AFAP1L2: variants seen among roughly 807,000 people sequenced by gnomAD.
The protein encoded by AFAP1L2 is actin filament-associated protein 1-like 2.
AFAP1L2 carries 46 observed loss-of-function variants against 99.3 expected under a neutral mutation model. The observed-to-expected ratio is 0.46, with a 90% confidence interval of 0.37 to 0.59. AFAP1L2 has a LOEUF of 0.59. AFAP1L2 is among the 20% of genes least tolerant of loss of function. The pLI is 0.00. For synonymous variants in AFAP1L2, 397 were observed against 419.1 expected (o/e 0.95, Z 0.64); for missense variants, 959 against 1,034.9 (o/e 0.93, Z 1.01).
At chr10:114,284,899 C>T in the AFAP1L2 span, 4 of 1,607,130 alleles carry the variant, frequency 2.5e-6, no homozygotes, top group Admixed American at 1.7e-5. Context: ...AATGGAGGCA[C>T]ATGTGTTCCA....
intron 4 of AFAP1L2, among the ~76,000 whole-genome samples, chr10:114,325,069 T>C (rs1452861450): frequency 6.6e-6 from 1 of 152,142 alleles, no homozygotes; most frequent in Non-Finnish European, 1.5e-5. Flanking sequence ...CTACAGTCTG[T>C]TTATATAGAC....
chr10:114,310,941 A>G lies in AFAP1L2; in HGVS notation c.793-498T>C, dbSNP rs890726383. On this transcript the variant is annotated intron_variant, in intron 7 of 18. Coordinates refer to ENST00000304129, the MANE Select transcript of AFAP1L2 (RefSeq NM_001001936.3). Reference sequence around the variant, plus strand: ...TTCCAACCACCCTCTGGCTCTCCCGACTCGCCTGCCGCCACCCACCCGCCC... The same window carrying G: ...TTCCAACCACCCTCTGGCTCTCCCGGCTCGCCTGCCGCCACCCACCCGCCC... Among the ~76,000 whole-genome samples the G allele has an allele frequency of 2.6e-3, 371 of 140,134 alleles. 3 individuals are homozygous for G. Among genetic ancestry groups the G allele is most frequent in the African/African-American group, 9.4e-3 (358 of 38,076 alleles). The allele number at this position is 140,134 out of a possible 152,430, so 91.9% of individuals were successfully genotyped here.
intron 1 of AFAP1L2, among the ~76,000 whole-genome samples, chr10:114,398,420 G>A (rs1169481607): frequency 6.6e-6 from 1 of 152,236 alleles, no homozygotes; most frequent in African/African-American, 2.4e-5. Context: ...GCATTGAAAA[G>A]CACACAGTGG....
At chr10:114,310,295 T>C in intron 8 of AFAP1L2, 59 bp downstream of exon 8, 2 of 1,537,202 alleles carry the variant, frequency 1.3e-6, no homozygotes, top group South Asian at 2.4e-5. Flanking sequence ...TTTGCACTTT[T>C]AATTTTTACA....
intron 1 of AFAP1L2, among the ~76,000 whole-genome samples, chr10:114,348,650 C>G (rs1297972746): frequency 6.6e-6 from 1 of 152,238 alleles, no homozygotes; most frequent in Non-Finnish European, 1.5e-5. Context: ...ACGTGCTCTA[C>G]TTTAAGTTCA....
chr10:114,348,641 C>T (rs1311867344), intron 1 of AFAP1L2, among the ~76,000 whole-genome samples: 1 of 152,216 alleles, frequency 6.6e-6, no homozygotes, highest in African/African-American at 2.4e-5. Flanking sequence ...CTTTACAGGA[C>T]GTGCTCTACT....
At chr10:114,289,839 C>G (rs1033975623), downstream of AFAP1L2, 3 of 369,816 alleles carry the variant, frequency 8.1e-6, no homozygotes, top group South Asian at 8.8e-5. Flanking sequence ...GAGCCCAGAG[C>G]AAACAGGGCC....
chr10:114,294,526 TG>T (rs1186406388), downstream of AFAP1L2, among the ~76,000 whole-genome samples: 1 of 152,214 alleles, frequency 6.6e-6, no homozygotes, highest in Non-Finnish European at 1.5e-5. Flanking sequence ...TTCCCAGTAT[TG>T]GTATGTTTCT....
At chr10:114,325,838 TAAC>T (rs1476821950) in intron 4 of AFAP1L2, 6 of 1,253,586 alleles carry the variant, frequency 4.8e-6, no homozygotes, top group South Asian at 1.3e-5. Context: ...TGTGGTCCAC[TAAC>T]AACAGGCTCC....
At chr10:114,401,382 C>A (rs1471846020) in intron 1 of AFAP1L2, among the ~76,000 whole-genome samples, 2 of 152,170 alleles carry the variant, frequency 1.3e-5, no homozygotes, top group African/African-American at 4.8e-5. Context: ...GTGAGTTCAG[C>A]CAATGGGCTC....
chr10:114,295,016 TAA>T lies in AFAP1L2; in HGVS notation c.*1024_*1025del, dbSNP rs10627231. On this transcript the variant is annotated 3_prime_UTR_variant, in exon 19 of 19. Transcript: ENST00000304129. ...ATAGATGAAATGTTTCAACCTGTGT[TAA>T]AAAAAAAAAAAAAAAAATGCCATCA... 5,733 of 875,764 alleles carry T rather than the reference TAA, an allele frequency of 6.5e-3. 24 individuals are homozygous for T. Among genetic ancestry groups the T allele is most frequent in the African/African-American group, 0.052 (2,585 of 50,096 alleles). 54.2% of individuals were successfully genotyped at this position (875,764 alleles called of 1,614,324 possible).
At chr10:114,386,929 G>A (rs768580525) in intron 1 of AFAP1L2, among the ~76,000 whole-genome samples, 25 of 152,228 alleles carry the variant, frequency 1.6e-4, no homozygotes, top group Admixed American at 6.5e-5. Flanking sequence ...ATTCCCTGCA[G>A]GACTGGAATG....
intron 1 of AFAP1L2, among the ~76,000 whole-genome samples, chr10:114,403,341 A>G (rs2058400126): frequency 6.6e-6 from 1 of 152,158 alleles, no homozygotes; most frequent in South Asian, 2.1e-4. Flanking sequence ...AGACAAGACT[A>G]CTTTAGGGAA....
intron 1 of AFAP1L2, among the ~76,000 whole-genome samples, chr10:114,398,530 T>C (rs1028802999): frequency 1.3e-5 from 2 of 152,266 alleles, no homozygotes; most frequent in East Asian, 3.8e-4. Flanking sequence ...TTTAACATTC[T>C]CTTTCTCAAA....
chr10:114,282,626 CT>C, the AFAP1L2 span: 1 of 1,525,550 alleles, frequency 6.6e-7, no homozygotes, highest in South Asian at 1.1e-5. Context: ...GCCCAGGCTG[CT>C]TTGTAAAGTG....
chr10:114,394,116 C>T (rs914526576), intron 1 of AFAP1L2, among the ~76,000 whole-genome samples: 1 of 152,178 alleles, frequency 6.6e-6, no homozygotes, highest in Non-Finnish European at 1.5e-5. Context: ...CCCTAATCAC[C>T]GTGACACTAA....
At position 114,354,682 on chromosome 10, in the gene AFAP1L2, G is replaced by A. The variant is rs568908322; in HGVS notation, c.17-13951C>T. Among the ~76,000 whole-genome samples, 5 of 152,300 alleles carry A rather than the reference G, an allele frequency of 3.3e-5. No homozygotes were observed. In the South Asian group the frequency reaches 1.0e-3, roughly 32 times the overall value. On this transcript the variant is annotated intron_variant, in intron 1 of 18. Transcript: ENST00000304129. Reference sequence around the variant, plus strand: ...TTCTTCTCTTGGGATTGCAAGCCATGAGGATGCATAATTGGAGTTAGAGGA... The same window carrying A: ...TTCTTCTCTTGGGATTGCAAGCCATAAGGATGCATAATTGGAGTTAGAGGA...
downstream of AFAP1L2, chr10:114,291,095 T>A: frequency 5.1e-6 from 6 of 1,168,690 alleles, no homozygotes; most frequent in Non-Finnish European, 7.5e-6. Context: ...ATCTGGCATC[T>A]TCTGCTGGGG....
At chr10:114,350,524 G>A (rs2050305779) in intron 1 of AFAP1L2, among the ~76,000 whole-genome samples, 1 of 152,172 alleles carries the variant, frequency 6.6e-6, no homozygotes, top group African/African-American at 2.4e-5. Flanking sequence ...CATACTACCT[G>A]CCTTCACTAA....
Sources: allele counts gnomAD v4.1 joint callset (sites outside exome capture counted in the v4.1 genomes callset), GRCh38; gene constraint gnomAD v4.1.1; transcripts MANE v1.5; gene names NCBI Gene and HGNC (gene_info 2026-07-23, HGNC 2026-07-21).